PVT1: variants seen among roughly 807,000 people sequenced by gnomAD.
PVT1 encodes the protein CXCR4/PVT1 fusion.
At chr8:127,872,483 G>T (rs1386523750) in intron 2 of PVT1, among the ~76,000 whole-genome samples, 1 of 152,184 alleles carries the variant, frequency 6.6e-6, no homozygotes, top group South Asian at 2.1e-4. Flanking sequence ...AATGTTTGAG[G>T]TGATGGATGC....
chr8:128,062,456 G>T lies in PVT1; in HGVS notation n.913-7704G>T, dbSNP rs563466039. ...ACAAACAAATAAAAAAGAAGTGAAG[G>T]ATTTCCTCTTTCCCCCTTAGAAGGT... is the stretch of plus-strand genomic sequence containing the variant. On this transcript the variant is annotated intron_variant and non_coding_transcript_variant, in intron 4 of 10. Transcript: ENST00000651587. Among the ~76,000 whole-genome samples the T allele has an allele frequency of 1.4e-4, 21 of 152,200 alleles. No individual in the cohort carries two copies. The South Asian group carries it at 4.4e-3, about 32-fold the overall frequency.
chr8:128,018,508 A>G (rs193160541), intron 4 of PVT1, among the ~76,000 whole-genome samples: 2 of 152,364 alleles, frequency 1.3e-5, no homozygotes, highest in South Asian at 2.1e-4. Context: ...TGGGCTAAAC[A>G]ATCACAGAGG....
chr8:128,084,044 C>T (rs1814224527), intron 5 of PVT1, among the ~76,000 whole-genome samples: 1 of 152,182 alleles, frequency 6.6e-6, no homozygotes, highest in Non-Finnish European at 1.5e-5. Context: ...CCACCTTTAG[C>T]CTGATTTACT....
intron 2 of PVT1, among the ~76,000 whole-genome samples, chr8:127,826,565 A>G (rs1412316859): frequency 2.0e-5 from 3 of 152,150 alleles, no homozygotes; most frequent in African/African-American, 7.2e-5. Flanking sequence ...CTATTTTGGA[A>G]TTTCATAACT....
chr8:127,949,570 T>C (rs1773979674), intron 3 of PVT1, among the ~76,000 whole-genome samples: 1 of 151,794 alleles, frequency 6.6e-6, no homozygotes, highest in African/African-American at 2.4e-5. Flanking sequence ...ATCCCTGGTA[T>C]TAATTGACTT....
intron 2 of PVT1, among the ~76,000 whole-genome samples, chr8:127,885,568 C>T (rs1815513787): frequency 3.3e-5 from 5 of 152,126 alleles, no homozygotes; most frequent in Admixed American, 3.3e-4. Flanking sequence ...GCACTAAGCC[C>T]TCCAGCCTCA....
At chr8:127,835,182 A>G (rs1464672186) in intron 2 of PVT1, among the ~76,000 whole-genome samples, 1 of 152,172 alleles carries the variant, frequency 6.6e-6, no homozygotes, top group Non-Finnish European at 1.5e-5. Flanking sequence ...AATAGCAAAG[A>G]CCTGGAACCA....
chr8:127,882,643 C>T (rs1387049468), intron 2 of PVT1, among the ~76,000 whole-genome samples: 1 of 152,144 alleles, frequency 6.6e-6, no homozygotes, highest in Non-Finnish European at 1.5e-5. Context: ...GCCACCACGC[C>T]CAGCTAATTT....
At chr8:128,016,454 G>A (rs980112280) in intron 4 of PVT1, among the ~76,000 whole-genome samples, 2 of 152,178 alleles carry the variant, frequency 1.3e-5, no homozygotes, top group Non-Finnish European at 2.9e-5. Context: ...AGGACCATTC[G>A]TGTGGTCCTG....
chr8:127,835,077 C>T (rs1416244112), intron 2 of PVT1, among the ~76,000 whole-genome samples: 1 of 152,048 alleles, frequency 6.6e-6, no homozygotes, highest in Non-Finnish European at 1.5e-5. Flanking sequence ...ACCATTTGAC[C>T]CAGCAATCCA....
intron 2 of PVT1, among the ~76,000 whole-genome samples, chr8:127,813,208 CAA>C (rs1231029050): frequency 1.7e-5 from 2 of 117,746 alleles, no homozygotes; most frequent in East Asian, 2.2e-4. Context: ...ATATAATATA[CAA>C]ATATATATAT....
In PVT1 at chr8:127,887,101, T is replaced by G. The variant is rs558572920; in HGVS notation, n.373-3488T>G. Among the ~76,000 whole-genome samples, 236 of 152,332 alleles carry G rather than the reference T, an allele frequency of 1.5e-3. 1 individual carries two copies. The highest frequency in any genetic ancestry group is 2.1e-3 in the Non-Finnish European group (143 of 68,036). On this transcript the variant is annotated intron_variant and non_coding_transcript_variant, in intron 2 of 10. Coordinates refer to ENST00000651587, the Ensembl canonical transcript of PVT1. The stretch of plus-strand genomic sequence containing the variant: ...CAAACTTGGCTCAGGAGTCACTTAG[T>G]GACTTAGGGAACATTTGTACACAGA...
chr8:127,879,820 C>T (rs939884133), intron 2 of PVT1, among the ~76,000 whole-genome samples: 56 of 152,246 alleles, frequency 3.7e-4, no homozygotes, highest in African/African-American at 1.3e-3. Context: ...TGCGCCAGCA[C>T]CCACCAGTTT....
At chr8:128,000,079 T>C (rs1401746804) in intron 4 of PVT1, among the ~76,000 whole-genome samples, 2 of 152,182 alleles carry the variant, frequency 1.3e-5, no homozygotes, top group Non-Finnish European at 2.9e-5. Flanking sequence ...TCTGCTCCTG[T>C]CCTCCTACTG....
intron 2 of PVT1, among the ~76,000 whole-genome samples, chr8:127,865,269 T>C (rs1456464476): frequency 1.3e-5 from 2 of 152,132 alleles, no homozygotes; most frequent in African/African-American, 2.4e-5. Flanking sequence ...TCTGGGGGCT[T>C]TGCAGATATT....
At chr8:127,924,020 G>GCC (rs1156717201) in intron 3 of PVT1, among the ~76,000 whole-genome samples, 1 of 152,210 alleles carries the variant, frequency 6.6e-6, no homozygotes, top group Non-Finnish European at 1.5e-5. Flanking sequence ...TCTGCTCCAT[G>GCC]CCCCCTCTGG....
chr8:128,062,799 G>A (rs1230699497), intron 4 of PVT1, among the ~76,000 whole-genome samples: 1 of 152,084 alleles, frequency 6.6e-6, no homozygotes, highest in Non-Finnish European at 1.5e-5. Context: ...TGTTATTTCT[G>A]ATTTGAGAGA....
chr8:128,015,771 CAA>C (rs375990538), intron 4 of PVT1, among the ~76,000 whole-genome samples: 3 of 95,904 alleles, frequency 3.1e-5, no homozygotes, highest in East Asian at 3.0e-4. Context: ...GACTTTGTCT[CAA>C]AAAAAAAAAA....
intron 4 of PVT1, among the ~76,000 whole-genome samples, chr8:128,006,884 T>C (rs1484594799): frequency 2.0e-5 from 3 of 152,218 alleles, no homozygotes; most frequent in African/African-American, 7.2e-5. Flanking sequence ...TACTGTTGTT[T>C]TTTGAGCACT....
Sources: gnomAD v4.1 joint callset for allele counts (sites outside exome capture counted in the v4.1 genomes callset) on GRCh38, gnomAD v4.1.1 for gene constraint, MANE v1.5 for transcripts, NCBI Gene and HGNC (gene_info 2026-07-23, HGNC 2026-07-21) for gene names.